YY1AP1: variants seen among roughly 807,000 people sequenced by gnomAD.
The protein encoded by YY1AP1 is YY1 associated protein 1, also known as YY1-associated protein 1.
A neutral mutation model predicts 39.9 loss-of-function variants in YY1AP1; 43 were observed. That is an observed-to-expected ratio of 1.08 (90% confidence interval 0.84 to 1.39). The LOEUF is 1.39. Among genes scored for constraint, YY1AP1 ranks in the 40% most tolerant of loss-of-function variants. The probability of loss-of-function intolerance (pLI) is 0.00; values close to 1 mark genes in which losing one functional copy is unlikely to be tolerated. For synonymous variants in YY1AP1, 292 were observed against 331.3 expected, an observed-to-expected ratio of 0.88 and a Z score of 1.29; for missense variants, 813 against 900.7, an observed-to-expected ratio of 0.90 and a Z score of 1.25.
In YY1AP1 at chr1:155,661,290, G is replaced by A. The variant is rs772333544; in HGVS notation, c.996+17C>T. 2.0e-5 allele frequency: 33 copies of A among 1,613,786 alleles called. No homozygotes were observed. The highest frequency in any genetic ancestry group is 2.7e-5 in the Non-Finnish European group (32 of 1,179,870). ...TGACCTTCTGCCTCCTACAGACTTC[G>A]AGGAAGAGGGCTGTACCTTTAACCA... On this transcript the variant is annotated intron_variant, in intron 10 of 10. Transcript: ENST00000355499.
At chr1:155,666,189 T>C (rs527593297) in intron 9 of YY1AP1, among the ~76,000 whole-genome samples, 70 of 151,890 alleles carry the variant, frequency 4.6e-4, no homozygotes, top group Non-Finnish European at 8.2e-4. Flanking sequence ...TGGCGCGATC[T>C]CGGCTCACTG....
At chr1:155,686,277 C>A (rs146567865) in intron 2 of YY1AP1, among the ~76,000 whole-genome samples, 1 of 152,006 alleles carries the variant, frequency 6.6e-6, no homozygotes, top group Non-Finnish European at 1.5e-5. Flanking sequence ...CCTCGTGATT[C>A]GATCTCCTGA....
rs1026131024 is a variant in YY1AP1 at position 155,676,699 on chromosome 1, G to A, written c.173C>T (p.Ala58Val). Residue 58 changes from alanine (A) to valine (V), a missense_variant, in exon 5 of 11, where the codon GCG (alanine) becomes GTG (valine). Physicochemically the swap from Ala to Val is moderately conservative, Grantham distance 64. Coordinates refer to ENST00000355499, the MANE Select transcript of YY1AP1 (RefSeq NM_139119.3). Reference protein sequence around the residue: ...ANLLNEQHQIAKELFEQLKMK... With the variant: ...ANLLNEQHQIVKELFEQLKMK... ...CTTCAGCTGTTCAAATAGTTCCTTC[G>A]CTATCTGATGTTGTTCATTTAGTAG... 1.9e-5 allele frequency: 31 copies of A among 1,613,906 alleles called. No homozygotes were observed. The highest frequency in any genetic ancestry group is 1.6e-4 in the Middle Eastern group (1 of 6,084).
At chr1:155,678,860 A>G (rs1367351727) in intron 4 of YY1AP1, among the ~76,000 whole-genome samples, 3 of 152,224 alleles carry the variant, frequency 2.0e-5, no homozygotes, top group African/African-American at 4.8e-5. Context: ...AACAGAATAA[A>G]GTGCAGATGC....
intron 9 of YY1AP1, among the ~76,000 whole-genome samples, chr1:155,663,588 G>A (rs1648499996): frequency 6.6e-6 from 1 of 151,778 alleles, no homozygotes; most frequent in East Asian, 2.0e-4. Context: ...GTGTGGTGGT[G>A]AGCGCCTGTA....
chr1:155,679,921 C>T (rs893990770), intron 3 of YY1AP1: 1 of 425,864 alleles, frequency 2.3e-6, no homozygotes, highest in Non-Finnish European at 3.6e-6. Flanking sequence ...GATGTGCTGG[C>T]TCACACCTGT....
At chr1:155,674,160 CAAAAAAAAAA>C (rs59337809) in intron 6 of YY1AP1, among the ~76,000 whole-genome samples, 4 of 73,652 alleles carry the variant, frequency 5.4e-5, no homozygotes, top group Admixed American at 2.6e-4. Context: ...GACTCCGTCT[CAAAAAAAAAA>C]AAAAAAAAAA....
At chr1:155,666,925 G>T (rs911672891) in intron 9 of YY1AP1, among the ~76,000 whole-genome samples, 1 of 152,120 alleles carries the variant, frequency 6.6e-6, no homozygotes, top group East Asian at 1.9e-4. Flanking sequence ...GCTTGAACCC[G>T]GTAGGTGGAG....
In YY1AP1 at chr1:155,672,565, T is replaced by C. The variant is rs1479802483; in HGVS notation, c.578A>G (p.Lys193Arg). The C allele has an allele frequency of 1.9e-6, 3 of 1,610,724 alleles. No homozygotes were observed. The highest frequency in any genetic ancestry group is 2.5e-6 in the Non-Finnish European group (3 of 1,177,516). ...CTGACACATCTGTCTCCTACCAGTC[T>C]TCTTGACAGTTTTATGAGGGCTGCA... Reference protein sequence around the residue: ...IDCSPHKTVKKTANEFPCLPK... With the variant: ...IDCSPHKTVKRTANEFPCLPK... Residue 193 changes from lysine to arginine, a missense_variant, in exon 7 of 11, where the codon AAG becomes AGG. By Grantham distance (26) the Lys-to-Arg change is conservative. This residue lies in a region of YY1AP1 where 31 missense variants were observed against 63.7 expected (regional missense o/e 0.49). Transcript: ENST00000355499.
chr1:155,664,190 T>C (rs1357352159), intron 9 of YY1AP1, among the ~76,000 whole-genome samples: 2 of 151,064 alleles, frequency 1.3e-5, no homozygotes, highest in Non-Finnish European at 2.9e-5. Flanking sequence ...TAGAAGAAAA[T>C]GAAGTGAGGC....
At chr1:155,683,862 C>T in intron 2 of YY1AP1, among the ~76,000 whole-genome samples, 1 of 152,090 alleles carries the variant, frequency 6.6e-6, no homozygotes, top group East Asian at 1.9e-4. Flanking sequence ...AAGAGCTGGG[C>T]ATGCTGGCTC....
In YY1AP1 at chr1:155,660,212, G is replaced by A. The variant is rs1647837776; in HGVS notation, c.1698C>T (p.Ser566=). Residue 566 remains serine, a synonymous_variant, in exon 11 of 11, where the codon AGC becomes AGT. Transcript: ENST00000355499. The part of the protein sequence containing the change: ...TVPATTVKIV[S]LGGGCNMIQP... The stretch of plus-strand genomic sequence containing the variant: ...GGATCATGTTACAGCCACCGCCAAG[G>A]CTCACAATCTTCACAGTGGTAGCAG... 6.2e-7 allele frequency: 1 copy of A among 1,614,066 alleles called. No homozygotes were observed.
chr1:155,667,498 T>TAAA (rs74589200), intron 9 of YY1AP1, among the ~76,000 whole-genome samples: 2 of 128,472 alleles, frequency 1.6e-5, no homozygotes, highest in African/African-American at 2.9e-5. Flanking sequence ...AACCTGTCTC[T>TAAA]AAAAAAAAAA....
At chr1:155,669,178 C>T (rs1195838914) in intron 8 of YY1AP1, among the ~76,000 whole-genome samples, 3 of 152,176 alleles carry the variant, frequency 2.0e-5, no homozygotes, top group Admixed American at 6.5e-5. Context: ...TGGCTATAAA[C>T]GTTTGCTACC....
intron 7 of YY1AP1, chr1:155,671,123 C>CT (rs1649797832): frequency 6.6e-6 from 1 of 152,112 alleles, no homozygotes; most frequent in Non-Finnish European, 1.5e-5. Context: ...TTCAACAATG[C>CT]TTTTTTCTTC....
At chr1:155,667,490 C>A (rs1414860614) in intron 9 of YY1AP1, among the ~76,000 whole-genome samples, 2 of 150,224 alleles carry the variant, frequency 1.3e-5, no homozygotes, top group African/African-American at 4.9e-5. Context: ...AGAGTGAGAA[C>A]CTGTCTCTAA....
chr1:155,661,518 C>CACACAG (rs1648129685), intron 9 of YY1AP1, 95 bp from the exon 10 acceptor site: 1 of 395,732 alleles, frequency 2.5e-6, no homozygotes, highest in East Asian at 3.8e-5. Context: ...TCAAGAGAAA[C>CACACAG]ACACACACAC....
At position 155,688,362 on chromosome 1, in the gene YY1AP1, C is replaced by G. The variant is rs1039294641; in HGVS notation, c.-151-161G>C. ...CAGCAGAGTGGCCGCGGCAGCTCCT[C>G]CAGAGGGAGGGAGCTAAGGGCGCCT... is the stretch of plus-strand genomic sequence containing the variant. On this transcript the variant is annotated intron_variant, in intron 1 of 10. Transcript: ENST00000355499. 4.5e-6 allele frequency: 7 copies of G among 1,547,372 alleles called. No individual in the cohort carries two copies. In the Admixed American group the frequency reaches 5.9e-5, roughly 13 times the overall value.
Position 155,680,556 on chromosome 1 carries a change from A to T in YY1AP1, c.-20-100T>A, listed in dbSNP as rs906585087. 1.6e-5 allele frequency: 17 copies of T among 1,051,468 alleles called. No individual in the cohort carries two copies. In the South Asian group the frequency reaches 2.1e-4, roughly 13 times the overall value. The allele number at this position is 1,051,468 out of a possible 1,614,324, so 65.1% of individuals were successfully genotyped here. ...TATGATGTTTTCAACAAGGCATCTG[A>T]CGAATTCTTCATATCTATCCTTATT... On this transcript the variant is annotated intron_variant, in intron 2 of 10. Transcript: ENST00000355499.
Sources: allele counts gnomAD v4.1 joint callset (sites outside exome capture counted in the v4.1 genomes callset), GRCh38; gene constraint gnomAD v4.1.1; regional missense constraint gnomAD v4.1.1; transcripts MANE v1.5; gene names NCBI Gene and HGNC (gene_info 2026-07-23, HGNC 2026-07-21).